GLMN: variants seen among roughly 807,000 people sequenced by gnomAD.
GLMN encodes glomulin.
Under a neutral mutation model 87.8 loss-of-function variants are expected in GLMN, and 75 were observed. The observed-to-expected ratio is 0.85, with a 90% CI of 0.71 to 1.04. GLMN has a LOEUF of 1.04. Ranked by LOEUF, GLMN falls within the 50% of genes least tolerant of loss-of-function variation. The pLI, the probability that GLMN is intolerant of heterozygous loss-of-function variation, is 0.00. For synonymous variants in GLMN, 206 were observed against 221.6 expected (o/e 0.93, Z 0.63); for missense variants, 588 against 658.8 (o/e 0.89, Z 1.18).
rs113775598 is a variant in GLMN at position 92,246,945 on chromosome 1, C to T, written c.1668+117G>A. The stretch of plus-strand genomic sequence containing the variant: ...ATCTGAGGTGGGTGGATCACTTGAG[C>T]CCAGGGAGTTGAAGCTGCAGTGAGC... On this transcript the variant is annotated intron_variant, in intron 18 of 18. Coordinates refer to ENST00000370360, the MANE Select transcript of GLMN (RefSeq NM_053274.3). 3.4e-4 allele frequency: 259 copies of T among 752,530 alleles called. 1 individual carries two copies. In the African/African-American group the frequency reaches 4.2e-3, roughly 12 times the overall value. The allele number at this position is 752,530 out of a possible 1,614,324, so 46.6% of individuals were successfully genotyped here.
chr1:92,295,998 C>A (rs931835127), intron 3 of GLMN, among the ~76,000 whole-genome samples: 10 of 152,134 alleles, frequency 6.6e-5, no homozygotes, highest in African/African-American at 2.4e-4. Flanking sequence ...TTGGAGGTTA[C>A]AAAGTTATCA....
the GLMN span, among the ~76,000 whole-genome samples, chr1:92,339,648 G>T: frequency 6.6e-6 from 1 of 151,314 alleles, no homozygotes; most frequent in East Asian, 2.0e-4. Flanking sequence ...CTACATCTAA[G>T]GACCTCTTTA....
At chr1:92,321,435 T>A in the GLMN span, among the ~76,000 whole-genome samples, 1 of 152,044 alleles carries the variant, frequency 6.6e-6, no homozygotes, top group East Asian at 1.9e-4. Flanking sequence ...TTTTCTTCAT[T>A]CCCATCCATG....
chr1:92,288,616 T>TG, intron 6 of GLMN, among the ~76,000 whole-genome samples: 1 of 152,066 alleles, frequency 6.6e-6, no homozygotes, highest in East Asian at 1.9e-4. Flanking sequence ...TTTATAGAGA[T>TG]GGGGGTCTCA....
In GLMN at chr1:92,287,276, T is replaced by C. The variant is rs545170918; in HGVS notation, c.633-684A>G. 2.5e-4 allele frequency among the ~76,000 whole-genome samples: 38 copies of C among 152,358 alleles called. 1 individual carries two copies. The South Asian group carries it at 5.8e-3, about 23-fold the overall frequency. ...ATTTAGAAAACCAAACTTTATTCTGTGATTAAGCCTTTCCTATTTCTTTAG... is the reference window on the plus strand; with the variant it reads ...ATTTAGAAAACCAAACTTTATTCTGCGATTAAGCCTTTCCTATTTCTTTAG... On this transcript the variant is annotated intron_variant, in intron 6 of 18. Transcript: ENST00000370360.
intron 7 of GLMN, among the ~76,000 whole-genome samples, chr1:92,281,014 G>T (rs1570939218): frequency 6.6e-6 from 1 of 152,152 alleles, no homozygotes; most frequent in Non-Finnish European, 1.5e-5. Context: ...AAAGTGACAG[G>T]GAGAATGGAA....
In GLMN at chr1:92,286,587, A is replaced by G. The variant is rs1557560136; in HGVS notation, c.638T>C (p.Phe213Ser). 1.3e-6 allele frequency: 2 copies of G among 1,544,666 alleles called. No homozygotes were observed. Among genetic ancestry groups the G allele is most frequent in the African/African-American group, 1.4e-5 (1 of 73,732 alleles). ...KLKDELLKFCFKSLKCPLLTA... is the reference protein window; with the variant it reads ...KLKDELLKFCSKSLKCPLLTA... ...CAGCAAAGGGCATTTCAAGCTTTTG[A>G]AACAACTAAGGCATAAGAAATAGGT... Residue 213 changes from phenylalanine to serine, a missense_variant, in exon 7 of 19, where the codon TTC (phenylalanine) becomes TCC (serine). Coordinates refer to ENST00000370360, the MANE Select transcript of GLMN (RefSeq NM_053274.3).
At chr1:92,289,297 G>GT in intron 5 of GLMN, 146 bp from the exon 6 acceptor site, 1 of 712,908 alleles carries the variant, frequency 1.4e-6, no homozygotes, top group Non-Finnish European at 2.5e-6. Flanking sequence ...AATTGGCAGT[G>GT]TTTTTTTCTT....
chr1:92,345,792 T>C, the GLMN span: 9 of 1,104,956 alleles, frequency 8.1e-6, no homozygotes, highest in Non-Finnish European at 1.1e-5. Flanking sequence ...TAGAAAGAAA[T>C]AGAAAGTTTA....
At chr1:92,331,361 G>C in the GLMN span, among the ~76,000 whole-genome samples, 4 of 152,046 alleles carry the variant, frequency 2.6e-5, no homozygotes, top group Non-Finnish European at 5.9e-5. Context: ...CAGTATTTGG[G>C]TTTAAATCTA....
At chr1:92,276,266 A>G (rs1647287623) in intron 7 of GLMN, among the ~76,000 whole-genome samples, 1 of 151,634 alleles carries the variant, frequency 6.6e-6, no homozygotes. Flanking sequence ...TCTATATTAA[A>G]TATACATATA....
chr1:92,251,926 G>A (rs929297698), intron 16 of GLMN, among the ~76,000 whole-genome samples: 1 of 151,926 alleles, frequency 6.6e-6, no homozygotes, highest in South Asian at 2.1e-4. Flanking sequence ...CTCCAGAGTA[G>A]CTGGGATTAT....
At chr1:92,277,902 A>G (rs1647478121) in intron 7 of GLMN, among the ~76,000 whole-genome samples, 1 of 152,004 alleles carries the variant, frequency 6.6e-6, no homozygotes, top group African/African-American at 2.4e-5. Flanking sequence ...GGTCCTGGGA[A>G]TCCTGATTTA....
At chr1:92,259,272 C>G (rs1191533659) in intron 16 of GLMN, among the ~76,000 whole-genome samples, 1 of 152,032 alleles carries the variant, frequency 6.6e-6, no homozygotes, top group Non-Finnish European at 1.5e-5. Context: ...TATTAAATAT[C>G]TATTAAATAG....
intron 7 of GLMN, among the ~76,000 whole-genome samples, chr1:92,274,254 C>T (rs906442108): frequency 6.6e-6 from 1 of 152,172 alleles, no homozygotes; most frequent in Non-Finnish European, 1.5e-5. Flanking sequence ...TGCCTCACTG[C>T]TTTAACTAAA....
At position 92,268,018 on chromosome 1, in the gene GLMN, T is replaced by C. The variant is rs1389135324; in HGVS notation, c.1009-16A>G. On this transcript the variant is annotated splice_polypyrimidine_tract_variant and intron_variant, in intron 10 of 18. Coordinates refer to ENST00000370360, the MANE Select transcript of GLMN (RefSeq NM_053274.3). ...CCAGCAGCTCCTACAGATTAAAATA[T>C]ATGCAGATACATATATAGTGAAGTC... 2 of 1,456,880 alleles carry C rather than the reference T, an allele frequency of 1.4e-6. No homozygotes were observed. Among genetic ancestry groups the C allele is most frequent in the African/African-American group, 1.4e-5 (1 of 72,068 alleles). The allele number at this position is 1,456,880 out of a possible 1,614,324, so 90.2% of individuals were successfully genotyped here.
intron 16 of GLMN, among the ~76,000 whole-genome samples, chr1:92,261,752 G>A (rs1243147032): frequency 1.3e-5 from 2 of 151,660 alleles, no homozygotes; most frequent in African/African-American, 4.8e-5. Context: ...TGAAATACAT[G>A]CTGAAATATT....
intron 2 of GLMN, 77 bp downstream of exon 2, chr1:92,297,884 C>G (rs1244010789): frequency 2.5e-6 from 2 of 808,602 alleles, no homozygotes; most frequent in African/African-American, 3.4e-5. Context: ...TTTGAGTGAC[C>G]ACAAATATAA....
chr1:92,337,566 C>T, the GLMN span, among the ~76,000 whole-genome samples: 2 of 152,258 alleles, frequency 1.3e-5, no homozygotes, highest in South Asian at 4.1e-4. Flanking sequence ...ATCAAACCTT[C>T]ATAGATTCCA....
Sources: allele counts gnomAD v4.1 joint callset (sites outside exome capture counted in the v4.1 genomes callset), GRCh38; gene constraint gnomAD v4.1.1; transcripts MANE v1.5; gene names NCBI Gene and HGNC (gene_info 2026-07-23, HGNC 2026-07-21).